The following CNTN5 variants were observed in gnomAD, a reference collection of about 807,000 sequenced individuals.
CNTN5 encodes the protein contactin 5.
In CNTN5, 77 loss-of-function variants were observed where a neutral mutation model predicts 129.1. The ratio of observed to expected loss-of-function variants is 0.60; its 90% CI spans 0.50 to 0.72. The LOEUF (loss-of-function observed/expected upper bound fraction) is 0.72, where lower values mean the gene tolerates loss of function less well. Ranked by LOEUF, CNTN5 falls within the 30% of genes least tolerant of loss-of-function variation. The pLI, the probability that CNTN5 is intolerant of heterozygous loss-of-function variation, is 0.00. For missense variants in CNTN5, 1,478 were observed against 1,328.8 expected (o/e 1.11, Z -1.75); for synonymous variants, 509 against 465.6 (o/e 1.09, Z -1.20).
intron 3 of CNTN5, among the ~76,000 whole-genome samples, chr11:99,660,847 G>T (rs562587185): frequency 1.3e-5 from 2 of 151,660 alleles, no homozygotes; most frequent in Non-Finnish European, 2.9e-5. Flanking sequence ...CATTTCAATG[G>T]GTAGACCTTA....
At position 99,891,011 on chromosome 11, in the gene CNTN5, G is replaced by A. The variant is rs1227671842; in HGVS notation, c.578-25043G>A. Among the ~76,000 whole-genome samples the A allele has an allele frequency of 2.6e-5, 4 of 152,128 alleles. No individual in the cohort carries two copies. The East Asian group carries it at 7.7e-4, about 29-fold the overall frequency. ...AAAACTGCAAATAAAAGGGAAGTAT[G>A]AGAAACTGTCACAACCAAGAGAAGC... On this transcript the variant is annotated intron_variant, in intron 6 of 24. Transcript: ENST00000524871.
At chr11:99,521,833 T>G (rs1348755210) in intron 2 of CNTN5, among the ~76,000 whole-genome samples, 3 of 152,152 alleles carry the variant, frequency 2.0e-5, no homozygotes, top group Non-Finnish European at 4.4e-5. Flanking sequence ...TAGAACAAAA[T>G]TCATTCAAAC....
chr11:100,078,694 T>C (rs906183686), intron 13 of CNTN5, among the ~76,000 whole-genome samples: 6 of 152,110 alleles, frequency 3.9e-5, no homozygotes, highest in Non-Finnish European at 7.4e-5. Context: ...CTGATTGGGT[T>C]GTGAGAATTA....
chr11:100,185,339 A>T (rs942367274), intron 13 of CNTN5, among the ~76,000 whole-genome samples: 8 of 152,112 alleles, frequency 5.3e-5, no homozygotes, highest in African/African-American at 1.9e-4. Context: ...CACCCTGATC[A>T]GGTATCCTCC....
chr11:99,786,074 T>C (rs1318530003), intron 3 of CNTN5, among the ~76,000 whole-genome samples: 1 of 152,118 alleles, frequency 6.6e-6, no homozygotes, highest in Non-Finnish European at 1.5e-5. Context: ...TGTGTCTGTT[T>C]GCAGATCACA....
At chr11:100,117,738 T>C (rs1043932745) in intron 13 of CNTN5, among the ~76,000 whole-genome samples, 2 of 151,780 alleles carry the variant, frequency 1.3e-5, no homozygotes, top group African/African-American at 4.8e-5. Context: ...AGGGCATTTT[T>C]TTTTTTGTAA....
intron 2 of CNTN5, among the ~76,000 whole-genome samples, chr11:99,548,446 G>A (rs1009193116): frequency 1.3e-5 from 2 of 152,198 alleles, no homozygotes; most frequent in East Asian, 3.9e-4. Context: ...CTAAGTGTTT[G>A]CCTTATTTGG....
At chr11:99,065,741 A>G (rs898068760) in intron 1 of CNTN5, among the ~76,000 whole-genome samples, 1 of 141,770 alleles carries the variant, frequency 7.1e-6, no homozygotes, top group Non-Finnish European at 1.5e-5. Flanking sequence ...GCCTCATTAG[A>G]GTTGATTCAT....
At chr11:100,326,991 A>G (rs1951802770) in intron 21 of CNTN5, among the ~76,000 whole-genome samples, 1 of 152,218 alleles carries the variant, frequency 6.6e-6, no homozygotes, top group South Asian at 2.1e-4. Flanking sequence ...TAGAGACTAT[A>G]TCAGGTAGAG....
At chr11:99,923,793 A>G (rs1949996196) in intron 7 of CNTN5, among the ~76,000 whole-genome samples, 1 of 151,220 alleles carries the variant, frequency 6.6e-6, no homozygotes, top group Non-Finnish European at 1.5e-5. Context: ...CTATCTATCT[A>G]TCTATCTATC....
chr11:99,626,102 G>A (rs528941359), intron 3 of CNTN5, among the ~76,000 whole-genome samples: 4 of 152,096 alleles, frequency 2.6e-5, no homozygotes, highest in Admixed American at 1.3e-4. Flanking sequence ...GGGGTGAATG[G>A]GAGAATGGAG....
At chr11:99,074,804 G>C (rs1446981463) in intron 1 of CNTN5, among the ~76,000 whole-genome samples, 1 of 152,062 alleles carries the variant, frequency 6.6e-6, no homozygotes, top group Admixed American at 6.6e-5. Context: ...GCCCAGAAAG[G>C]CTCAGTAGAT....
chr11:99,965,448 G>A (rs1406718440), intron 8 of CNTN5, among the ~76,000 whole-genome samples: 1 of 151,214 alleles, frequency 6.6e-6, no homozygotes, highest in Non-Finnish European at 1.5e-5. Flanking sequence ...AGGTTGTTCA[G>A]TTTCCATGTA....
chr11:99,598,617 A>G (rs1050369642), intron 3 of CNTN5, among the ~76,000 whole-genome samples: 2 of 147,164 alleles, frequency 1.4e-5, no homozygotes, highest in Admixed American at 6.8e-5. Flanking sequence ...GATTAAAAAG[A>G]TAGCTTTTTT....
rs770265006 is a variant in CNTN5 at position 100,340,521 on chromosome 11, G to A, written c.2789G>A (p.Gly930Glu). ...EDTAETVKTR[G>E]NESFVILTGL... ...ACAGCAGAAACAGTCAAAACTAGAG[G>A]GAATGAGTCTTTCGTCATCCTAACA... The change falls in exon 22 of 25, where the codon GGG becomes GAG. Residue 930 changes from glycine to glutamate, a missense_variant. Gly to Glu is a moderately conservative substitution (Grantham distance 98, BLOSUM62 -2). Transcript: ENST00000524871. 8.1e-6 allele frequency: 13 copies of A among 1,612,976 alleles called. No homozygotes were observed. The Admixed American group carries it at 1.8e-4, about 23-fold the overall frequency.
rs1948389621 is a variant in CNTN5 at position 100,189,011 on chromosome 11, A to AGTGGGAGGTAAACAATGGAACTC, written c.1581-2114_1581-2092dup. On this transcript the variant is annotated intron_variant, in intron 13 of 24. Transcript: ENST00000524871. ...CCAGTGCCACATGTTCTCACTCTTAAGTGGGAGGTAAACAATGGAACTCAT... is the reference window on the plus strand; with the variant it reads ...CCAGTGCCACATGTTCTCACTCTTAAGTGGGAGGTAAACAATGGAACTCGTGGGAGGTAAACAATGGAACTCAT... Among the ~76,000 whole-genome samples, 4 of 152,132 alleles carry AGTGGGAGGTAAACAATGGAACTC rather than the reference A, an allele frequency of 2.6e-5. 1 individual carries two copies. In the South Asian group the frequency reaches 8.3e-4, roughly 32 times the overall value.
rs182975287 is a variant in CNTN5 at position 99,808,589 on chromosome 11, C to T, written c.56-10955C>T. Among the ~76,000 whole-genome samples, 686 of 152,186 alleles carry T rather than the reference C, an allele frequency of 4.5e-3. 10 individuals are homozygous for T. The highest frequency in any genetic ancestry group is 3.4e-3 in the Non-Finnish European group (229 of 68,004). ...TAGGTCTGCTTTTGAAGAAAAATTG[C>T]CATAGAAAAAAATCACTCGGGGACT... On this transcript the variant is annotated intron_variant, in intron 3 of 24. Coordinates refer to ENST00000524871, the MANE Select transcript of CNTN5 (RefSeq NM_014361.4).
At chr11:99,525,404 T>A (rs760033797) in intron 2 of CNTN5, among the ~76,000 whole-genome samples, 1 of 152,220 alleles carries the variant, frequency 6.6e-6, no homozygotes, top group Non-Finnish European at 1.5e-5. Context: ...TAGTCACTAT[T>A]CCTAAAGTAC....
At chr11:99,358,533 C>T (rs1938875838) in intron 2 of CNTN5, among the ~76,000 whole-genome samples, 1 of 151,348 alleles carries the variant, frequency 6.6e-6, no homozygotes, top group Admixed American at 6.6e-5. Flanking sequence ...TGCACTCCAG[C>T]CTGGCGACAG....
Sources: allele counts gnomAD v4.1 joint callset (sites outside exome capture counted in the v4.1 genomes callset), GRCh38; gene constraint gnomAD v4.1.1; transcripts MANE v1.5; gene names NCBI Gene and HGNC (gene_info 2026-07-23, HGNC 2026-07-21).